Variants in SBNO2 observed in about 807,000 individuals in gnomAD.
SBNO2 encodes protein strawberry notch homolog 2.
In SBNO2, 89 loss-of-function variants were observed where a neutral mutation model predicts 146.3. That is an observed-to-expected ratio of 0.61 (90% CI 0.51 to 0.73). SBNO2 has a LOEUF of 0.73. SBNO2 is among the 30% of genes least tolerant of loss of function. The probability of loss-of-function intolerance (pLI) is 0.00; values close to 1 mark genes in which losing one functional copy is unlikely to be tolerated. For synonymous variants in SBNO2, 1,147 were observed against 892.6 expected, an observed-to-expected ratio of 1.29 and a Z score of -5.08; for missense variants, 2,092 against 2,003.7, an observed-to-expected ratio of 1.04 and a Z score of -0.84.
chr19:1,133,586 G>A (rs2080055879), intron 4 of SBNO2, among the ~76,000 whole-genome samples: 1 of 152,234 alleles, frequency 6.6e-6, no homozygotes. Context: ...ACCTCCTGGA[G>A]GCTGGGCGAC....
intron 7 of SBNO2, 58 bp from the exon 8 acceptor site, chr19:1,123,103 C>T (rs946511646): frequency 1.6e-5 from 25 of 1,557,282 alleles, no homozygotes; most frequent in African/African-American, 8.2e-5. Flanking sequence ...TGACCAGGGC[C>T]GGTTATGGCA....
At chr19:1,132,337 T>C in intron 4 of SBNO2, 3 of 1,266,056 alleles carry the variant, frequency 2.4e-6, no homozygotes, top group Non-Finnish European at 3.0e-6. Flanking sequence ...CAGGAAATGA[T>C]GCCGGCCCCG....
rs2080303196 is a variant in SBNO2, at chr19:1,157,526, T to C, written c.-126-3124A>G. On this transcript the variant is annotated intron_variant, in intron 1 of 31. Coordinates refer to ENST00000361757, the MANE Select transcript of SBNO2 (RefSeq NM_014963.3). The surrounding 1 kb of genome is among the most constrained non-coding windows in gnomAD (Gnocchi z 6.8). The stretch of plus-strand genomic sequence containing the variant: ...AGCGTGTCCCCTGCCTGGTTTTATT[T>C]TTGGGCGCGAGTCCCATGACTGGAG... Among the ~76,000 whole-genome samples the C allele has an allele frequency of 6.6e-6, 1 of 150,928 alleles. No homozygotes were observed. Among genetic ancestry groups the C allele is most frequent in the Non-Finnish European group, 1.5e-5 (1 of 67,600 alleles).
At chr19:1,164,797 G>C (rs371883456) in intron 1 of SBNO2, among the ~76,000 whole-genome samples, 10 of 854 alleles carry the variant, frequency 0.012, no homozygotes, top group African/African-American at 0.019. Context: ...GTGGAGACAG[G>C]AGGAGGAGGA....
Position 1,154,336 on chromosome 19 carries a change from G to T in SBNO2, c.-60C>A. The stretch of plus-strand genomic sequence containing the variant: ...AGCAGGCGGCGGGACTCCAGGACCC[G>T]GGGCCGCCGGGGCGTCTATCTGGGC... On this transcript the variant is annotated 5_prime_UTR_variant, in exon 2 of 32. Coordinates refer to ENST00000361757, the MANE Select transcript of SBNO2 (RefSeq NM_014963.3). 1 of 929,836 alleles carries T rather than the reference G, an allele frequency of 1.1e-6. No individual in the cohort carries two copies. Among genetic ancestry groups the T allele is most frequent in the Non-Finnish European group, 1.4e-6 (1 of 710,790 alleles). The allele number at this position is 929,836 out of a possible 1,614,324, so 57.6% of individuals were successfully genotyped here. A position where few individuals can be genotyped will look rare whatever the true frequency, so the allele number is the denominator to read the frequency against.
intron 1 of SBNO2, among the ~76,000 whole-genome samples, chr19:1,155,815 C>T (rs1186574095): frequency 6.6e-6 from 1 of 152,176 alleles, no homozygotes; most frequent in African/African-American, 2.4e-5. Context: ...CAGGGGCCCA[C>T]CAGTGCTAGG....
Position 1,110,717 on chromosome 19 carries a change from C to CA in SBNO2, c.3028+27dup, listed in dbSNP as rs781660356. 1.1e-5 allele frequency: 17 copies of CA among 1,612,600 alleles called. No individual in the cohort carries two copies. The highest frequency in any genetic ancestry group is 1.4e-5 in the Non-Finnish European group (17 of 1,179,268). On this transcript the variant is annotated intron_variant, in intron 26 of 31. Transcript: ENST00000361757. The surrounding 1 kb of genome is among the most constrained non-coding windows in gnomAD (Gnocchi z 4.9). ...CACGAGCCCCGCACCCACACCCACC[C>CA]ACACCACACCCCGGCACCTGTGCTC...
At chr19:1,171,023 TACAG>T (rs1391499736) in intron 1 of SBNO2, among the ~76,000 whole-genome samples, 6 of 149,502 alleles carry the variant, frequency 4.0e-5, no homozygotes, top group Middle Eastern at 3.4e-3. Context: ...ACACACAAAA[TACAG>T]ACACACATAA....
intron 4 of SBNO2, among the ~76,000 whole-genome samples, chr19:1,129,837 C>T (rs566343388): frequency 6.0e-4 from 92 of 152,276 alleles, no homozygotes; most frequent in African/African-American, 1.8e-3. Flanking sequence ...GTGGGTCACA[C>T]GGCCAGTCCT....
At chr19:1,124,499 G>A (rs1385929887) in intron 5 of SBNO2, among the ~76,000 whole-genome samples, 3 of 152,136 alleles carry the variant, frequency 2.0e-5, no homozygotes, top group Non-Finnish European at 2.9e-5. Flanking sequence ...GACAGAGGCA[G>A]TGGGGGCGGG....
In SBNO2 at chr19:1,108,619, G is replaced by A. The variant is rs1048460671; in HGVS notation, c.3702C>T (p.Pro1234=). The stretch of plus-strand genomic sequence containing the variant: ...CGGGCGGGGCGGGGCAGCCCAGGGC[G>A]GGCGCCTGCCTGCGCTTCACGTCCG... ...MDADVKRRQA[P]ALGCPAPPAP... Residue 1234 remains proline, a synonymous_variant, in exon 32 of 32, where the codon CCC becomes CCT. Coordinates refer to ENST00000361757, the MANE Select transcript of SBNO2 (RefSeq NM_014963.3). 6.9e-7 allele frequency: 1 copy of A among 1,440,762 alleles called. No individual in the cohort carries two copies. 89.2% of individuals were successfully genotyped at this position (1,440,762 alleles called of 1,614,324 possible). A position where few individuals can be genotyped will look rare whatever the true frequency, so the allele number is the denominator to read the frequency against.
intron 2 of SBNO2, among the ~76,000 whole-genome samples, chr19:1,151,396 C>T (rs1012330109): frequency 1.2e-4 from 18 of 152,172 alleles, no homozygotes; most frequent in South Asian, 1.0e-3. Context: ...GGGGATGGGA[C>T]GGGGGGAAAG....
intron 11 of SBNO2, among the ~76,000 whole-genome samples, chr19:1,121,334 C>T (rs1416443655): frequency 2.0e-5 from 3 of 152,210 alleles, no homozygotes; most frequent in Non-Finnish European, 2.9e-5. Flanking sequence ...ATCGCTATTT[C>T]GTAGATTGTT....
intron 2 of SBNO2, among the ~76,000 whole-genome samples, chr19:1,151,063 G>C (rs1184860110): frequency 6.6e-6 from 1 of 152,268 alleles, no homozygotes; most frequent in East Asian, 1.9e-4. Context: ...GGGCTCCAGA[G>C]CCCGGGTCTC....
chr19:1,171,794 C>G (rs1046580960), intron 1 of SBNO2, among the ~76,000 whole-genome samples: 1 of 152,136 alleles, frequency 6.6e-6, no homozygotes, highest in Non-Finnish European at 1.5e-5. Context: ...CTGGCGCAAC[C>G]TCTCTCCACC....
intron 1 of SBNO2, among the ~76,000 whole-genome samples, chr19:1,172,885 TC>T (rs1313449215): frequency 1.4e-5 from 2 of 146,760 alleles, no homozygotes; most frequent in Non-Finnish European, 3.0e-5. Flanking sequence ...ACCTATCCCG[TC>T]CCGTCCCAGC....
intron 1 of SBNO2, among the ~76,000 whole-genome samples, chr19:1,155,774 C>G (rs943080147): frequency 3.3e-5 from 5 of 152,218 alleles, no homozygotes; most frequent in African/African-American, 4.8e-5. Flanking sequence ...CTGCTGGGCC[C>G]AAGGCAGCTG....
At chr19:1,121,447 C>G (rs889786757) in intron 11 of SBNO2, among the ~76,000 whole-genome samples, 4 of 152,202 alleles carry the variant, frequency 2.6e-5, no homozygotes, top group Non-Finnish European at 5.9e-5. Flanking sequence ...AACAGCAAAG[C>G]CATGGCCATG....
At position 1,150,106 on chromosome 19, in the gene SBNO2, G is replaced by C. The variant is rs1479104116; in HGVS notation, c.94-664C>G. Among the ~76,000 whole-genome samples, 1 of 152,128 alleles carries C rather than the reference G, an allele frequency of 6.6e-6. No individual in the cohort carries two copies. The highest frequency in any genetic ancestry group is 1.5e-5 in the Non-Finnish European group (1 of 68,004). On this transcript the variant is annotated intron_variant, in intron 2 of 31. Coordinates refer to ENST00000361757, the MANE Select transcript of SBNO2 (RefSeq NM_014963.3). The surrounding 1 kb of genome is among the most constrained non-coding windows in gnomAD (Gnocchi z 6.2). The stretch of plus-strand genomic sequence containing the variant: ...TGGAGGCGTGAGTGGCTCCAGGTTG[G>C]CCGAATCTCTGGTGGGTCTGACTCC...
Sources: allele counts gnomAD v4.1 joint callset (sites outside exome capture counted in the v4.1 genomes callset), GRCh38; gene constraint gnomAD v4.1.1; non-coding constraint Gnocchi (gnomAD v3.1); transcripts MANE v1.5; gene names NCBI Gene and HGNC (gene_info 2026-07-23, HGNC 2026-07-21).